The following SCNN1D variants were observed in gnomAD, a reference collection of about 807,000 sequenced individuals.
The protein encoded by SCNN1D is sodium channel epithelial 1 subunit delta.
A neutral mutation model predicts 87.8 loss-of-function variants in SCNN1D; 104 were observed. The ratio of observed to expected loss-of-function variants is 1.18; its 90% CI spans 1.01 to 1.39. The LOEUF (loss-of-function observed/expected upper bound fraction) is 1.39, where lower values mean the gene tolerates loss of function less well. Ranked by LOEUF, SCNN1D falls within the 40% of genes most tolerant of loss-of-function variation. SCNN1D has a pLI of 0.00. For missense variants in SCNN1D, 1,324 were observed against 1,093.9 expected (o/e 1.21, Z -2.97); for synonymous variants, 628 against 481.2 (o/e 1.31, Z -3.99).
At chr1:1,286,402 C>A in intron 7 of SCNN1D, 124 bp downstream of exon 7, 1 of 793,958 alleles carries the variant, frequency 1.3e-6, no homozygotes, top group Non-Finnish European at 2.0e-6. Context: ...TCAATGCCAC[C>A]CTCCTGGTCA....
At position 1,290,378 on chromosome 1, in the gene SCNN1D, C is replaced by T. The variant is rs771556809; in HGVS notation, c.1770C>T (p.His590=). The change falls in exon 13 of 18, where the codon CAC becomes CAT. Residue 590 remains histidine, a synonymous_variant. Coordinates refer to ENST00000379116, the MANE Select transcript of SCNN1D (RefSeq NM_001130413.4). ...AGAEYCSSAR[H]PAWGHCFYRL... ...CTGAGTACTGCAGCTCTGCCCGGCA[C>T]CCTGCCTGGGGTGAGTCCTGCTCGC... 2 of 1,602,364 alleles carry T rather than the reference C, an allele frequency of 1.2e-6. No individual in the cohort carries two copies. Among genetic ancestry groups the T allele is most frequent in the South Asian group, 1.1e-5 (1 of 89,838 alleles).
In SCNN1D at chr1:1,286,939, C is replaced by T. The variant is rs1640606063; in HGVS notation, c.1083C>T (p.Ser361=). The T allele has an allele frequency of 4.3e-6, 7 of 1,612,474 alleles. No individual in the cohort carries two copies. The South Asian group carries it at 5.5e-5, about 13-fold the overall frequency. ...GGGAGATCCGTCTGCAGAGGCTGAG[C>T]CACTCGGGCAGCCGGGTCAGAGTGG... ...LDREIRLQRL[S]HSGSRVRVGF... The change falls in exon 8 of 18, where the codon AGC becomes AGT. Residue 361 remains serine (S), a synonymous_variant. Coordinates refer to ENST00000379116, the MANE Select transcript of SCNN1D (RefSeq NM_001130413.4).
chr1:1,280,740 CA>C (rs1640453197), intron 1 of SCNN1D, 74 bp downstream of exon 1: 2 of 694,718 alleles, frequency 2.9e-6, no homozygotes, highest in Non-Finnish European at 2.6e-6. Flanking sequence ...TGGCTAAGAC[CA>C]GGGGTCCATC....
intron 5 of SCNN1D, among the ~76,000 whole-genome samples, chr1:1,284,341 G>A (rs1335737206): frequency 7.9e-6 from 1 of 127,104 alleles, no homozygotes; most frequent in Non-Finnish European, 1.7e-5. Context: ...GGGCTGGCGG[G>A]GGGGCTCCCA....
chr1:1,290,231 CGCTCCATCCCATGTCCCT>C (rs763231068), intron 12 of SCNN1D, 22 bp from the exon 13 acceptor site: 1 of 1,436,884 alleles, frequency 7.0e-7, no homozygotes, highest in Non-Finnish European at 9.5e-7. Flanking sequence ...CCCATGTCTC[CGCTCCATCCCATGTCCCT>C]GCTCATCCCC....
At chr1:1,285,814 A>G in intron 6 of SCNN1D, 112 bp from the exon 7 acceptor site, 1 of 1,249,850 alleles carries the variant, frequency 8.0e-7, no homozygotes, top group East Asian at 2.5e-5. Flanking sequence ...GGCTTGTCCG[A>G]GCGACCGAGC....
chr1:1,287,273 T>C lies in SCNN1D; in HGVS notation c.1284T>C (p.Ser428=). ...ACGGCCACTTCGTCCTCTCCTGCAG[T>C]TACGATGGCCTGGACTGCCAGGCCC... ...SQDGHFVLSC[S]YDGLDCQARQ... The change falls in exon 9 of 18, where the codon AGT becomes AGC. Residue 428 remains serine (S), a synonymous_variant. Transcript: ENST00000379116. The C allele has an allele frequency of 6.2e-7, 1 of 1,603,518 alleles. No homozygotes were observed. Among genetic ancestry groups the C allele is most frequent in the Non-Finnish European group, 8.5e-7 (1 of 1,174,176 alleles).
chr1:1,287,103 T>A lies in SCNN1D; in HGVS notation c.1120-6T>A. 1 of 1,588,416 alleles carries A rather than the reference T, an allele frequency of 6.3e-7. No homozygotes were observed. The highest frequency in any genetic ancestry group is 8.6e-7 in the Non-Finnish European group (1 of 1,162,586). The stretch of plus-strand genomic sequence containing the variant: ...CACAGAGCTGACCCTCCCTCCCCTC[T>A]CCCAGTGCAACAGCACGGGCGGCGA... On this transcript the variant is annotated splice_polypyrimidine_tract_variant and splice_region_variant and intron_variant, in intron 8 of 17. Coordinates refer to ENST00000379116, the MANE Select transcript of SCNN1D (RefSeq NM_001130413.4).
rs576242962 is a variant in SCNN1D, at chr1:1,290,181, G to C, written c.1663-90G>C. 8.1e-5 allele frequency: 57 copies of C among 707,324 alleles called. 4 individuals are homozygous for C. Among genetic ancestry groups the C allele is most frequent in the African/African-American group, 3.9e-4 (15 of 38,350 alleles). The allele number at this position is 707,324 out of a possible 1,614,324, so 43.8% of individuals were successfully genotyped here. ...CTGCTCCGTCCCGTGTCCCTGCTCC[G>C]TCCCGTGTCCCTGCTCCGTCCCGTG... On this transcript the variant is annotated intron_variant, in intron 12 of 17. Transcript: ENST00000379116.
Position 1,291,777 on chromosome 1 carries a change from T to C in SCNN1D, c.*167T>C, listed in dbSNP as rs1007393536. The C allele has an allele frequency of 2.0e-5, 10 of 508,732 alleles. No homozygotes were observed. Among genetic ancestry groups the C allele is most frequent in the East Asian group, 9.6e-5 (3 of 31,400 alleles). 31.5% of individuals were successfully genotyped at this position (508,732 alleles called of 1,614,324 possible). A position where few individuals can be genotyped will look rare whatever the true frequency, so the allele number is the denominator to read the frequency against. On this transcript the variant is annotated 3_prime_UTR_variant, in exon 18 of 18. Coordinates refer to ENST00000379116, the MANE Select transcript of SCNN1D (RefSeq NM_001130413.4). ...TGTCGGCGCCTCTGGTCAAACCACC[T>C]ACACTGCCTGGGGTGGGTCTCAAGG... is the stretch of plus-strand genomic sequence containing the variant.
At chr1:1,281,109 A>G (rs1411233842) in intron 1 of SCNN1D, 117 bp from the exon 2 acceptor site, 4 of 986,606 alleles carry the variant, frequency 4.1e-6, no homozygotes, top group Non-Finnish European at 6.1e-6. Flanking sequence ...GAACCGTCCC[A>G]GGGCTGACTC....
Position 1,291,673 on chromosome 1 carries a change from C to G in SCNN1D, c.*63C>G, listed in dbSNP as rs1428308006. On this transcript the variant is annotated 3_prime_UTR_variant, in exon 18 of 18. Coordinates refer to ENST00000379116, the MANE Select transcript of SCNN1D (RefSeq NM_001130413.4). ...TCCTTGCAGCTGTGGCAGCAGCAGGCTCCCCAGCGGCCCAGGGTGGGCCAG... is the reference window on the plus strand; with the variant it reads ...TCCTTGCAGCTGTGGCAGCAGCAGGGTCCCCAGCGGCCCAGGGTGGGCCAG... 2.3e-6 allele frequency: 3 copies of G among 1,321,010 alleles called. No individual in the cohort carries two copies. The highest frequency in any genetic ancestry group is 2.0e-6 in the Non-Finnish European group (2 of 978,514). 81.8% of individuals were successfully genotyped at this position (1,321,010 alleles called of 1,614,324 possible).
At position 1,291,142 on chromosome 1, in the gene SCNN1D, TG is replaced by T; in HGVS notation, c.2052+3del. Reference sequence around the variant, plus strand: ...GTGGAGGAGGCGCCCGTGTACTCGGTGAGCCTTGGCCCCCTGCCTGGGCTAG... The same window carrying T: ...GTGGAGGAGGCGCCCGTGTACTCGGTAGCCTTGGCCCCCTGCCTGGGCTAG... On this transcript the variant is annotated splice_donor_region_variant and intron_variant, in intron 17 of 17. Coordinates refer to ENST00000379116, the MANE Select transcript of SCNN1D (RefSeq NM_001130413.4). 1 of 1,611,398 alleles carries T rather than the reference TG, an allele frequency of 6.2e-7. No homozygotes were observed. The highest frequency in any genetic ancestry group is 2.2e-5 in the East Asian group (1 of 44,848).
chr1:1,287,746 C>A lies in SCNN1D; in HGVS notation c.1473C>A (p.Val491=). ...TGTCCACGCTGGCCGGCATCAGGGT[C>A]ATGGTTCACGGCCGTAACCACACGC... ...PLLSTLAGIR[V]MVHGRNHTPF... Residue 491 remains valine, a synonymous_variant, in exon 11 of 18, where the codon GTC becomes GTA. Transcript: ENST00000379116. 6.2e-7 allele frequency: 1 copy of A among 1,607,184 alleles called. No homozygotes were observed. The highest frequency in any genetic ancestry group is 1.1e-5 in the South Asian group (1 of 90,212).
chr1:1,288,176 C>T (rs2100333216), intron 12 of SCNN1D, 139 bp downstream of exon 12: 2 of 649,084 alleles, frequency 3.1e-6, no homozygotes, highest in Middle Eastern at 8.4e-4. Flanking sequence ...GGCCCGCACT[C>T]CATCCCCCGT....
chr1:1,286,791 T>C lies in SCNN1D; in HGVS notation c.935T>C (p.Leu312Pro). 6.2e-7 allele frequency: 1 copy of C among 1,612,646 alleles called. No individual in the cohort carries two copies. Among genetic ancestry groups the C allele is most frequent in the Non-Finnish European group, 8.5e-7 (1 of 1,179,894 alleles). ...AGGCCGAGTCCGGTCCTCCGCCATCTGGAGCTGCTGGACGAGTTTGCCAGG... is the reference window on the plus strand; with the variant it reads ...AGGCCGAGTCCGGTCCTCCGCCATCCGGAGCTGCTGGACGAGTTTGCCAGG... ...PRRPSPVLRH[L>P]ELLDEFAREN... Residue 312 changes from leucine (L) to proline (P), a missense_variant, in exon 8 of 18, where the codon CTG becomes CCG. By Grantham distance (98) the Leu-to-Pro change is moderately conservative (BLOSUM62 -3). Transcript: ENST00000379116.
Position 1,287,600 on chromosome 1 carries a change from G to C in SCNN1D, c.1399+4G>C. 1 of 1,603,676 alleles carries C rather than the reference G, an allele frequency of 6.2e-7. No homozygotes were observed. The highest frequency in any genetic ancestry group is 8.5e-7 in the Non-Finnish European group (1 of 1,173,972). ...CAGCGCCCCGGCATCACCCACGGTGGGTGCCAGCCCCTGGCCGGTGCGGGG... is the reference window on the plus strand; with the variant it reads ...CAGCGCCCCGGCATCACCCACGGTGCGTGCCAGCCCCTGGCCGGTGCGGGG... On this transcript the variant is annotated splice_donor_region_variant and intron_variant, in intron 10 of 17. Transcript: ENST00000379116.
Position 1,287,314 on chromosome 1 carries a change from CG to C in SCNN1D, c.1310+20del. The C allele has an allele frequency of 1.9e-6, 3 of 1,560,696 alleles. No homozygotes were observed. The highest frequency in any genetic ancestry group is 1.2e-5 in the South Asian group (1 of 85,122). ...TGCCAGGCCCGGTGAGTGTGGCGGG[CG>C]GGGGCCACTCCTTCCGTCCCACCCC... is the stretch of plus-strand genomic sequence containing the variant. On this transcript the variant is annotated intron_variant, in intron 9 of 17. Coordinates refer to ENST00000379116, the MANE Select transcript of SCNN1D (RefSeq NM_001130413.4).
Position 1,290,664 on chromosome 1 carries a change from G to T in SCNN1D, c.1887G>T (p.Gly629=), listed in dbSNP as rs1640778228. The change falls in exon 15 of 18, where the codon GGG becomes GGT. Residue 629 remains glycine, a synonymous_variant. Coordinates refer to ENST00000379116, the MANE Select transcript of SCNN1D (RefSeq NM_001130413.4). ...CRESAFKLST[G]TSRWPSAKSA... ...AGTCTGCATTCAAGCTCTCCACTGG[G>T]ACCTCCAGGTGGCCTTCCGCCAAGT... 1 of 1,612,552 alleles carries T rather than the reference G, an allele frequency of 6.2e-7. No homozygotes were observed. Among genetic ancestry groups the T allele is most frequent in the African/African-American group, 1.3e-5 (1 of 74,920 alleles).
Sources: allele counts gnomAD v4.1 joint callset (sites outside exome capture counted in the v4.1 genomes callset), GRCh38; gene constraint gnomAD v4.1.1; transcripts MANE v1.5; gene names NCBI Gene and HGNC (gene_info 2026-07-23, HGNC 2026-07-21).